FERMT2: variants seen among roughly 807,000 people sequenced by gnomAD.
FERMT2 encodes the protein FERM domain containing kindlin 2, also known as fermitin family homolog 2.
In FERMT2, 15 loss-of-function variants were observed where a neutral mutation model predicts 82.7. The observed-to-expected ratio is 0.18, with a 90% CI of 0.12 to 0.28. The LOEUF (loss-of-function observed/expected upper bound fraction) is 0.28, where lower values mean the gene tolerates loss of function less well. Ranked by LOEUF, FERMT2 falls within the 10% of genes least tolerant of loss-of-function variation. FERMT2 has a pLI of 1.00. For missense variants in FERMT2, 645 were observed against 809.4 expected, an observed-to-expected ratio of 0.80 and a Z score of 2.46; for synonymous variants, 274 against 271.5, an observed-to-expected ratio of 1.01 and a Z score of -0.09.
intron 2 of FERMT2, among the ~76,000 whole-genome samples, chr14:52,939,079 G>T (rs1382413337): frequency 2.6e-5 from 4 of 151,300 alleles, no homozygotes; most frequent in Non-Finnish European, 5.9e-5. Context: ...TTCTGGCTGG[G>T]TGTGGTGGCT....
chr14:52,942,268 A>T (rs1336643355), intron 2 of FERMT2, among the ~76,000 whole-genome samples: 3 of 151,382 alleles, frequency 2.0e-5, no homozygotes, highest in Non-Finnish European at 4.4e-5. Context: ...ATCTCATTTA[A>T]TTCTCACCAA....
chr14:52,938,969 A>C (rs1889971215), intron 2 of FERMT2, among the ~76,000 whole-genome samples: 1 of 152,156 alleles, frequency 6.6e-6, no homozygotes, highest in Admixed American at 6.6e-5. Flanking sequence ...TGATCTTCAT[A>C]CTTTAATTCT....
chr14:52,889,656 C>G (rs1886815248), intron 4 of FERMT2, among the ~76,000 whole-genome samples: 1 of 151,996 alleles, frequency 6.6e-6, no homozygotes, highest in Non-Finnish European at 1.5e-5. Flanking sequence ...AGAGTGTACT[C>G]ATACAGGCCT....
At position 52,875,205 on chromosome 14, in the gene FERMT2, A is replaced by G; in HGVS notation, c.1098+18T>C. 1.9e-6 allele frequency: 3 copies of G among 1,590,106 alleles called. No homozygotes were observed. The highest frequency in any genetic ancestry group is 2.6e-6 in the Non-Finnish European group (3 of 1,172,448). ...AATTCAAGCTAAATTAGTAGGTAAA[A>G]AAAAAGATTCACCCTACCAAAATTG... On this transcript the variant is annotated intron_variant, in intron 8 of 14. Transcript: ENST00000341590.
chr14:52,931,545 T>C (rs1889569956), intron 2 of FERMT2, among the ~76,000 whole-genome samples: 1 of 151,612 alleles, frequency 6.6e-6, no homozygotes, highest in Non-Finnish European at 1.5e-5. Flanking sequence ...TATGAGGGAG[T>C]TGTCTAAGCT....
At chr14:52,885,312 C>CAAAAA (rs1181582996) in intron 4 of FERMT2, among the ~76,000 whole-genome samples, 1,862 of 61,056 alleles carry the variant, frequency 0.03, 277 homozygotes, top group Non-Finnish European at 0.04. Flanking sequence ...GACTTAGTCT[C>CAAAAA]AAAAAAAAAA....
At chr14:52,901,794 C>T (rs1457554922) in intron 3 of FERMT2, among the ~76,000 whole-genome samples, 1 of 152,184 alleles carries the variant, frequency 6.6e-6, no homozygotes, top group Admixed American at 6.5e-5. Context: ...CCTGCTGACA[C>T]CTTAACTTCA....
chr14:52,933,079 C>G (rs1326013746), intron 2 of FERMT2, among the ~76,000 whole-genome samples: 1 of 145,734 alleles, frequency 6.9e-6, no homozygotes, highest in Non-Finnish European at 1.5e-5. Context: ...ATACTTCTGC[C>G]CCCACCCCAT....
intron 3 of FERMT2, among the ~76,000 whole-genome samples, chr14:52,904,834 G>A (rs1035237294): frequency 6.6e-6 from 1 of 150,966 alleles, no homozygotes; most frequent in Non-Finnish European, 1.5e-5. Flanking sequence ...AAAAATGTCT[G>A]CTTTCTTAAT....
rs1411774878 is a variant in FERMT2 at position 52,860,367 on chromosome 14, T to C, written c.1701A>G (p.Glu567=). 6.2e-7 allele frequency: 1 copy of C among 1,613,920 alleles called. No homozygotes were observed. Among genetic ancestry groups the C allele is most frequent in the Admixed American group, 1.7e-5 (1 of 59,998 alleles). ...RFIQAWQSLP[E]FGITHFIARF... ...TTGCAATGAAGTGAGTGATGCCAAA[T>C]TCAGGTAGTGACTGCCAAGCTTGAA... is the stretch of plus-strand genomic sequence containing the variant. Residue 567 remains glutamate (E), a synonymous_variant, in exon 13 of 15, where the codon GAA becomes GAG. Coordinates refer to ENST00000341590, the MANE Select transcript of FERMT2 (RefSeq NM_006832.3).
chr14:52,938,313 T>C (rs1889941062), intron 2 of FERMT2, among the ~76,000 whole-genome samples: 1 of 152,268 alleles, frequency 6.6e-6, no homozygotes. Flanking sequence ...TTGAAATTTA[T>C]ATTTTAAGTT....
chr14:52,864,980 C>G (rs1340311332), intron 10 of FERMT2, 127 bp from the exon 11 acceptor site: 1 of 639,824 alleles, frequency 1.6e-6, no homozygotes, highest in African/African-American at 1.8e-5. Flanking sequence ...ATGAAGGCAT[C>G]TGCTGCAGAA....
In FERMT2 at chr14:52,905,724, G is replaced by A. The variant is rs149155911; in HGVS notation, c.392-12297C>T. Among the ~76,000 whole-genome samples the A allele has an allele frequency of 4.0e-3, 610 of 152,334 alleles. 1 individual carries two copies. The highest frequency in any genetic ancestry group is 6.9e-3 in the Admixed American group (106 of 15,304). ...TGGAAGAGCCTTTTACTACTATGGCGATTGCCTGGAGGAAGGGCAGAAAGG... is the reference window on the plus strand; with the variant it reads ...TGGAAGAGCCTTTTACTACTATGGCAATTGCCTGGAGGAAGGGCAGAAAGG... On this transcript the variant is annotated intron_variant, in intron 3 of 14. Coordinates refer to ENST00000341590, the MANE Select transcript of FERMT2 (RefSeq NM_006832.3).
At chr14:52,916,073 G>T (rs1350419661) in intron 3 of FERMT2, among the ~76,000 whole-genome samples, 1 of 152,172 alleles carries the variant, frequency 6.6e-6, no homozygotes, top group East Asian at 1.9e-4. Context: ...GCTGGGCTTG[G>T]TGGTTCACAC....
chr14:52,901,293 A>AAAAG (rs1437821918), intron 3 of FERMT2, among the ~76,000 whole-genome samples: 1 of 149,518 alleles, frequency 6.7e-6, no homozygotes, highest in African/African-American at 2.4e-5. Flanking sequence ...AAAAAAAAAA[A>AAAAG]AAAAAAAGCC....
In FERMT2 at chr14:52,864,566, G is replaced by A. The variant is rs149596230; in HGVS notation, c.1437C>T (p.Thr479=). 8.9e-5 allele frequency: 143 copies of A among 1,614,170 alleles called. No homozygotes were observed. In the African/African-American group the frequency reaches 1.7e-3, roughly 19 times the overall value. The change falls in exon 12 of 15, where the codon ACC becomes ACT. Residue 479 remains threonine (T), a synonymous_variant. Transcript: ENST00000341590. ...AACRLASKGK[T]MADSSYNLEV... ...CTAAGTTGTAAGAACTGTCCGCCAT[G>A]GTCTTGCCTTTGGAGGCTAATCTGC...
At chr14:52,950,164 T>C (rs1305987217) in intron 2 of FERMT2, among the ~76,000 whole-genome samples, 1 of 152,186 alleles carries the variant, frequency 6.6e-6, no homozygotes, top group Admixed American at 6.5e-5. Flanking sequence ...CCCGCGTAAC[T>C]ACGCAATTAA....
At chr14:52,899,158 T>C (rs1887471361) in intron 3 of FERMT2, among the ~76,000 whole-genome samples, 1 of 152,178 alleles carries the variant, frequency 6.6e-6, no homozygotes, top group Non-Finnish European at 1.5e-5. Context: ...GAGAATTGCT[T>C]GTAAAATCAA....
At position 52,886,429 on chromosome 14, in the gene FERMT2, C is replaced by T. The variant is rs543144913; in HGVS notation, c.527-4960G>A. On this transcript the variant is annotated intron_variant, in intron 4 of 14. Coordinates refer to ENST00000341590, the MANE Select transcript of FERMT2 (RefSeq NM_006832.3). ...ACCACCCAGGTTGAACTCCTGGGCT[C>T]AGGAGATCCTCCTGTCTCAGCCTCC... 3.9e-5 allele frequency among the ~76,000 whole-genome samples: 6 copies of T among 152,224 alleles called. No individual in the cohort carries two copies. The South Asian group carries it at 1.0e-3, about 26-fold the overall frequency.
Sources: gnomAD v4.1 joint callset for allele counts (sites outside exome capture counted in the v4.1 genomes callset) on GRCh38, gnomAD v4.1.1 for gene constraint, MANE v1.5 for transcripts, NCBI Gene and HGNC (gene_info 2026-07-23, HGNC 2026-07-21) for gene names.